HIF3A: variants seen among roughly 807,000 people sequenced by gnomAD.
HIF3A encodes hypoxia-inducible factor 3-alpha.
HIF3A carries 41 observed loss-of-function variants against 67.2 expected under a neutral mutation model. That is an observed-to-expected ratio of 0.61 (90% CI 0.48 to 0.79). HIF3A has a LOEUF of 0.79. Among genes scored for constraint, HIF3A ranks in the 30% least tolerant of loss-of-function variants. The pLI is 0.00. For synonymous variants in HIF3A, 356 were observed against 374.8 expected (o/e 0.95, Z 0.58); for missense variants, 855 against 898.0 (o/e 0.95, Z 0.61).
chr19:46,335,912 G>C (rs547815053), intron 14 of HIF3A, among the ~76,000 whole-genome samples: 1 of 151,180 alleles, frequency 6.6e-6, no homozygotes. Context: ...GTGGTGGCAC[G>C]CACCTGTTGT....
At position 46,341,215 on chromosome 19, in the gene HIF3A, T is replaced by A. The variant is rs1431935075; in HGVS notation, c.*1593T>A. 1.3e-5 allele frequency: 2 copies of A among 151,312 alleles called. No individual in the cohort carries two copies. Among genetic ancestry groups the A allele is most frequent in the Non-Finnish European group, 1.5e-5 (1 of 67,862 alleles). The allele number at this position is 151,312 out of a possible 1,614,324, so 9.4% of individuals were successfully genotyped here. On this transcript the variant is annotated 3_prime_UTR_variant, in exon 15 of 15. Coordinates refer to ENST00000377670, the MANE Select transcript of HIF3A (RefSeq NM_152795.4). ...ATCTCTCTCTTTTTTTTTTTTTTTT[T>A]TTGAGACAGAGTCCCACTCTGTCAC...
Position 46,341,985 on chromosome 19 carries a change from G to A in HIF3A, c.*2363G>A, listed in dbSNP as rs868423554. On this transcript the variant is annotated 3_prime_UTR_variant, in exon 15 of 15. Transcript: ENST00000377670. ...ATAACCAGTTCTTCTAGAACCAGAC[G>A]ATGCTCTAGTTCTCCTAGATTCTGA... 1.3e-5 allele frequency: 2 copies of A among 152,132 alleles called. No individual in the cohort carries two copies. Among genetic ancestry groups the A allele is most frequent in the African/African-American group, 2.4e-5 (1 of 41,430 alleles). The allele number at this position is 152,132 out of a possible 1,614,324, so 9.4% of individuals were successfully genotyped here. A position where few individuals can be genotyped will look rare whatever the true frequency, so the allele number is the denominator to read the frequency against.
chr19:46,303,770 G>T (rs1324436727), intron 1 of HIF3A, 128 bp from the exon 2 acceptor site: 20 of 1,497,956 alleles, frequency 1.3e-5, no homozygotes, highest in Non-Finnish European at 1.8e-5. Flanking sequence ...GCCACACATC[G>T]AGGCCTGCGC....
intron 3 of HIF3A, chr19:46,306,468 T>A (rs1476705936): frequency 2.0e-5 from 3 of 152,232 alleles, no homozygotes; most frequent in African/African-American, 7.2e-5. Flanking sequence ...CTTACTTTTT[T>A]AATTAACATG....
At chr19:46,305,692 A>G (rs1035000912) in intron 3 of HIF3A, among the ~76,000 whole-genome samples, 1 of 152,110 alleles carries the variant, frequency 6.6e-6, no homozygotes, top group Non-Finnish European at 1.5e-5. Flanking sequence ...TGGAGAATGG[A>G]TGGGATCAGT....
chr19:46,308,313 C>T lies in HIF3A; in HGVS notation c.448+8C>T. On this transcript the variant is annotated splice_region_variant and intron_variant, in intron 4 of 14. Coordinates refer to ENST00000377670, the MANE Select transcript of HIF3A (RefSeq NM_152795.4). ...CCCTGACCCCCCAGCAGAGTGAGTT[C>T]CCTGGAGGCCTCTGTCCCCACCATA... 6.3e-7 allele frequency: 1 copy of T among 1,582,812 alleles called. No individual in the cohort carries two copies. The highest frequency in any genetic ancestry group is 2.2e-5 in the East Asian group (1 of 44,722).
At position 46,334,769 on chromosome 19, in the gene HIF3A, A is replaced by T. The variant is rs564790139; in HGVS notation, c.1831-136A>T. On this transcript the variant is annotated intron_variant, in intron 13 of 14. Coordinates refer to ENST00000377670, the MANE Select transcript of HIF3A (RefSeq NM_152795.4). ...ACTATCTTGCCCAGGCTGGTCTCAA[A>T]CGTTTGGGCTTAAGTGATCCTCCCA... The T allele has an allele frequency of 5.1e-5, 31 of 603,220 alleles. 2 individuals are homozygous for T. In the South Asian group the frequency reaches 8.1e-4, roughly 16 times the overall value. 37.4% of individuals were successfully genotyped at this position (603,220 alleles called of 1,614,324 possible).
intron 2 of HIF3A, 128 bp downstream of exon 2, chr19:46,304,216 T>C (rs1285017647): frequency 3.8e-6 from 3 of 794,244 alleles, no homozygotes; most frequent in East Asian, 5.5e-5. Flanking sequence ...TGTCGTTTTT[T>C]TCGGCGGAGC....
intron 11 of HIF3A, among the ~76,000 whole-genome samples, chr19:46,328,877 T>C (rs1013895309): frequency 6.6e-6 from 1 of 152,120 alleles, no homozygotes; most frequent in Non-Finnish European, 1.5e-5. Flanking sequence ...TGGGCCACCA[T>C]ACCTGGCTAA....
chr19:46,333,788 C>CTTTCT (rs1971411178), intron 13 of HIF3A, among the ~76,000 whole-genome samples: 2 of 103,564 alleles, frequency 1.9e-5, no homozygotes, highest in African/African-American at 7.7e-5. Context: ...TTCTTTCTTT[C>CTTTCT]TTTTTTTTTT....
chr19:46,301,973 A>G (rs944744827), intron 1 of HIF3A, among the ~76,000 whole-genome samples: 25 of 152,128 alleles, frequency 1.6e-4, no homozygotes, highest in Admixed American at 1.6e-3. Context: ...ACAGCTGCCT[A>G]TTACTAATAG....
chr19:46,321,639 T>C (rs1041521337), intron 9 of HIF3A, 137 bp from the exon 10 acceptor site: 22 of 764,652 alleles, frequency 2.9e-5, no homozygotes, highest in Non-Finnish European at 4.6e-5. Flanking sequence ...GGCCCCTTCC[T>C]TACCCTCTCA....
intron 8 of HIF3A, among the ~76,000 whole-genome samples, chr19:46,318,360 G>T (rs1008980998): frequency 4.0e-5 from 6 of 151,624 alleles, no homozygotes; most frequent in African/African-American, 1.5e-4. Flanking sequence ...GAATAGTCTT[G>T]GCAACATAGG....
intron 8 of HIF3A, among the ~76,000 whole-genome samples, chr19:46,317,748 G>A (rs565884095): frequency 2.6e-5 from 4 of 152,158 alleles, no homozygotes; most frequent in African/African-American, 9.6e-5. Context: ...ATTAACTTGT[G>A]TGTTCAGCCA....
chr19:46,313,803 T>C (rs1022927728), intron 8 of HIF3A, among the ~76,000 whole-genome samples: 1 of 150,922 alleles, frequency 6.6e-6, no homozygotes, highest in African/African-American at 2.4e-5. Context: ...CTAGCTGGGA[T>C]TACACGCAAC....
intron 1 of HIF3A, among the ~76,000 whole-genome samples, chr19:46,301,296 GT>G (rs750343343): frequency 6.6e-6 from 1 of 152,302 alleles, no homozygotes; most frequent in East Asian, 1.9e-4. Context: ...TGAGGCTGGG[GT>G]TGATGCCACC....
intron 6 of HIF3A, among the ~76,000 whole-genome samples, chr19:46,310,062 TA>T (rs1969293784): frequency 6.6e-6 from 1 of 151,998 alleles, no homozygotes; most frequent in Non-Finnish European, 1.5e-5. Context: ...CCAACTCTAC[TA>T]AAAATACAAA....
intron 1 of HIF3A, among the ~76,000 whole-genome samples, chr19:46,301,836 A>G (rs1968364431): frequency 2.1e-5 from 3 of 143,896 alleles, no homozygotes; most frequent in Non-Finnish European, 4.8e-5. Context: ...AAAAAAAAAA[A>G]TTAAAAATTA....
In HIF3A at chr19:46,302,377, G is replaced by T. The variant is rs528139461; in HGVS notation, c.27-1521G>T. On this transcript the variant is annotated intron_variant, in intron 1 of 14. Transcript: ENST00000377670. The stretch of plus-strand genomic sequence containing the variant: ...GATCTCCTGACCTCGTGATCCGCCC[G>T]CCTCGGCCTCCCAAAGTGCTGGGAT... Among the ~76,000 whole-genome samples, 5 of 152,120 alleles carry T rather than the reference G, an allele frequency of 3.3e-5. 1 individual carries two copies. Among genetic ancestry groups the T allele is most frequent in the African/African-American group, 1.2e-4 (5 of 41,502 alleles).
Sources: gnomAD v4.1 joint callset for allele counts (sites outside exome capture counted in the v4.1 genomes callset) on GRCh38, gnomAD v4.1.1 for gene constraint, MANE v1.5 for transcripts, NCBI Gene and HGNC (gene_info 2026-07-23, HGNC 2026-07-21) for gene names.